Variants in TUBA1C observed in about 807,000 individuals in gnomAD.
The protein encoded by TUBA1C is tubulin alpha 1c.
A neutral mutation model predicts 34.9 loss-of-function variants in TUBA1C; 16 were observed. That is an observed-to-expected ratio of 0.46 (90% confidence interval 0.31 to 0.70). TUBA1C has a LOEUF of 0.70. TUBA1C is among the 30% of genes least tolerant of loss of function. The pLI is 0.05. For missense variants in TUBA1C, 329 were observed against 587.3 expected (o/e 0.56, Z 4.55); for synonymous variants, 177 against 215.9 (o/e 0.82, Z 1.58).
chr12:49,245,775 T>C (rs1429054412), intron 1 of TUBA1C, among the ~76,000 whole-genome samples: 1 of 152,182 alleles, frequency 6.6e-6, no homozygotes, highest in Non-Finnish European at 1.5e-5. Flanking sequence ...TGGGCCTACT[T>C]TGTTTGGAGC....
intron 1 of TUBA1C, among the ~76,000 whole-genome samples, chr12:49,235,189 T>C (rs1395468380): frequency 6.6e-6 from 1 of 151,704 alleles, no homozygotes; most frequent in African/African-American, 2.4e-5. Flanking sequence ...CATTGCAACT[T>C]ATTCGAATAA....
intron 1 of TUBA1C, among the ~76,000 whole-genome samples, chr12:49,258,295 T>A (rs960121225): frequency 5.9e-5 from 9 of 152,160 alleles, no homozygotes; most frequent in Admixed American, 3.9e-4. Flanking sequence ...CTAGGTCAGC[T>A]GGGTGCAGTG....
intron 1 of TUBA1C, among the ~76,000 whole-genome samples, chr12:49,267,822 T>C (rs567591327): frequency 3.9e-5 from 6 of 152,074 alleles, no homozygotes; most frequent in South Asian, 4.2e-4. Flanking sequence ...AGGTTGTGAG[T>C]AATTAGGGTT....
chr12:49,268,316 C>G (rs1418773555), intron 1 of TUBA1C, among the ~76,000 whole-genome samples: 1 of 152,098 alleles, frequency 6.6e-6, no homozygotes, highest in Admixed American at 6.6e-5. Context: ...CCAGGCTGTT[C>G]TTGAACTCCT....
At position 49,241,868 on chromosome 12, in the gene TUBA1C, A is replaced by G. The variant is rs890499602; in HGVS notation, c.213+13702A>G. On this transcript the variant is annotated intron_variant, in intron 1 of 3. Coordinates refer to the TUBA1C transcript ENST00000541364. ...TTTTACTATGTTGCCCAGGCTGGTCACGAACTCCTGAGCTTGGGCAATCCG... is the reference window on the plus strand; with the variant it reads ...TTTTACTATGTTGCCCAGGCTGGTCGCGAACTCCTGAGCTTGGGCAATCCG... Among the ~76,000 whole-genome samples, 7 of 151,346 alleles carry G rather than the reference A, an allele frequency of 4.6e-5. No homozygotes were observed. The South Asian group carries it at 1.5e-3, about 32-fold the overall frequency.
At chr12:49,254,740 C>G (rs1942766159) in intron 1 of TUBA1C, among the ~76,000 whole-genome samples, 1 of 152,032 alleles carries the variant, frequency 6.6e-6, no homozygotes, top group African/African-American at 2.4e-5. Context: ...TAGTCCTTCT[C>G]CCCTCCCTGG....
intron 1 of TUBA1C, among the ~76,000 whole-genome samples, chr12:49,265,780 T>G (rs944771713): frequency 3.9e-5 from 6 of 152,146 alleles, no homozygotes; most frequent in African/African-American, 1.2e-4. Context: ...TTTCTGGTGT[T>G]AATCTAGTGG....
At chr12:49,270,284 T>C (rs527443567) in intron 3 of TUBA1C, 3 of 477,476 alleles carry the variant, frequency 6.3e-6, no homozygotes, top group Admixed American at 3.3e-5. Context: ...GAGTCATTTT[T>C]TAAAAATCTG....
At chr12:49,267,109 C>T (rs989635317) in intron 1 of TUBA1C, among the ~76,000 whole-genome samples, 1 of 152,182 alleles carries the variant, frequency 6.6e-6, no homozygotes. Flanking sequence ...CACTTTCTCC[C>T]ACGTGGCCAG....
At chr12:49,239,328 C>T (rs1942588483) in intron 1 of TUBA1C, among the ~76,000 whole-genome samples, 1 of 152,026 alleles carries the variant, frequency 6.6e-6, no homozygotes, top group Non-Finnish European at 1.5e-5. Flanking sequence ...TACATCATAA[C>T]GTCACATAAT....
At position 49,265,111 on chromosome 12, in the gene TUBA1C, C is replaced by G. The variant is rs1009631178; in HGVS notation, c.-71C>G. On this transcript the variant is annotated 5_prime_UTR_variant, in exon 1 of 4. Coordinates refer to ENST00000301072, the MANE Select transcript of TUBA1C (RefSeq NM_032704.5). ...CTTCTCCCCCGGACTCCTTGGTAGT[C>G]TGTTAGTGGGAGATCCTTGTTGCCG... 24 of 1,555,452 alleles carry G rather than the reference C, an allele frequency of 1.5e-5. No homozygotes were observed. Among genetic ancestry groups the G allele is most frequent in the Non-Finnish European group, 1.9e-5 (22 of 1,143,734 alleles).
Position 49,274,264 on chromosome 12 carries a change from C to G in TUBA1C, c.*1037C>G, listed in dbSNP as rs1943032795. 1 of 148,650 alleles carries G rather than the reference C, an allele frequency of 6.7e-6. No homozygotes were observed. The highest frequency in any genetic ancestry group is 6.7e-5 in the Admixed American group (1 of 14,898). The allele number at this position is 148,650 out of a possible 1,614,324, so 9.2% of individuals were successfully genotyped here. A position where few individuals can be genotyped will look rare whatever the true frequency, so the allele number is the denominator to read the frequency against. On this transcript the variant is annotated 3_prime_UTR_variant, in exon 4 of 4. Transcript: ENST00000301072. ...AGCCAGGACTACAGGTGTGTTCCAC[C>G]ATGCCTGGCTGATTCTTGTAATTTT...
intron 1 of TUBA1C, among the ~76,000 whole-genome samples, chr12:49,255,978 G>T (rs1942781230): frequency 6.6e-6 from 1 of 152,222 alleles, no homozygotes; most frequent in South Asian, 2.1e-4. Flanking sequence ...GGTGGCACGT[G>T]CCTGTAGTCC....
At chr12:49,234,622 A>C (rs1472051618) in intron 1 of TUBA1C, among the ~76,000 whole-genome samples, 2 of 152,102 alleles carry the variant, frequency 1.3e-5, no homozygotes, top group African/African-American at 2.4e-5. Context: ...CGCTATCTCC[A>C]GGCCGCAGCC....
At chr12:49,234,331 T>G (rs77318187) in intron 1 of TUBA1C, among the ~76,000 whole-genome samples, 3 of 152,242 alleles carry the variant, frequency 2.0e-5, no homozygotes, top group African/African-American at 7.2e-5. Context: ...AGCATTGTCT[T>G]AAATAACAAG....
intron 1 of TUBA1C, among the ~76,000 whole-genome samples, chr12:49,254,665 C>G (rs1422797897): frequency 1.3e-5 from 2 of 151,928 alleles, no homozygotes. Flanking sequence ...TCTGGGAACC[C>G]GGTAGTTTAG....
At chr12:49,249,601 T>TA in intron 1 of TUBA1C, among the ~76,000 whole-genome samples, 1 of 152,298 alleles carries the variant, frequency 6.6e-6, no homozygotes, top group Non-Finnish European at 1.5e-5. Context: ...GGCTCACACC[T>TA]ATAATCCTAG....
At chr12:49,243,740 C>T (rs1942641212) in intron 1 of TUBA1C, among the ~76,000 whole-genome samples, 1 of 151,982 alleles carries the variant, frequency 6.6e-6, no homozygotes, top group African/African-American at 2.4e-5. Flanking sequence ...GAAGGGGAGG[C>T]TGGAAAAGAA....
rs113806239 is a variant in TUBA1C, at chr12:49,243,394, T to C, written c.213+15228T>C. ...AGACAGAGGTTGCAGTGAGCCAAGATTGCACCACTGCCCTACAGCCTGGGT... is the reference window on the plus strand; with the variant it reads ...AGACAGAGGTTGCAGTGAGCCAAGACTGCACCACTGCCCTACAGCCTGGGT... On this transcript the variant is annotated intron_variant, in intron 1 of 3. Transcript: ENST00000541364. 3.9e-5 allele frequency among the ~76,000 whole-genome samples: 6 copies of C among 152,114 alleles called. No homozygotes were observed. In the South Asian group the frequency reaches 1.2e-3, roughly 32 times the overall value.
Sources: allele counts gnomAD v4.1 joint callset (sites outside exome capture counted in the v4.1 genomes callset), GRCh38; gene constraint gnomAD v4.1.1; transcripts MANE v1.5; gene names NCBI Gene and HGNC (gene_info 2026-07-23, HGNC 2026-07-21).